FBXO43: variants seen among roughly 807,000 people sequenced by gnomAD.
The protein encoded by FBXO43 is F-box protein 43.
Under a neutral mutation model 56.7 loss-of-function variants are expected in FBXO43, and 22 were observed. That is an observed-to-expected ratio of 0.39 (90% CI 0.28 to 0.55). The LOEUF (loss-of-function observed/expected upper bound fraction) is 0.55, where lower values mean the gene tolerates loss of function less well. FBXO43 is among the 20% of genes least tolerant of loss of function. The pLI is 0.66. For synonymous variants in FBXO43, 306 were observed against 294.5 expected, an observed-to-expected ratio of 1.04 and a Z score of -0.40; for missense variants, 733 against 814.9, an observed-to-expected ratio of 0.90 and a Z score of 1.22.
At chr8:100,134,470 C>A in intron 3 of FBXO43, 106 bp from the exon 4 acceptor site, 1 of 901,468 alleles carries the variant, frequency 1.1e-6, no homozygotes, top group South Asian at 1.8e-5. Flanking sequence ...TTTTGCCATC[C>A]GAATTCTCTC....
chr8:100,148,791 TCTGATGCTTC>T (rs1814873303), upstream of FBXO43, among the ~76,000 whole-genome samples: 2 of 151,640 alleles, frequency 1.3e-5, no homozygotes, highest in Admixed American at 1.3e-4. Context: ...TGCCACAAAA[TCTGATGCTTC>T]TTTTTGGGAC....
chr8:100,137,495 G>A lies in FBXO43; in HGVS notation c.1674+70C>T, dbSNP rs753509957. ...TAAAGATAGCAGGAAAACCAAATTA[G>A]GTTGTCTAGCAACATGAGATTATTA... On this transcript the variant is annotated intron_variant, in intron 3 of 4. Transcript: ENST00000428847. 3.9e-6 allele frequency: 4 copies of A among 1,022,162 alleles called. No individual in the cohort carries two copies. The South Asian group carries it at 6.1e-5, about 16-fold the overall frequency. 63.3% of individuals were successfully genotyped at this position (1,022,162 alleles called of 1,614,324 possible). A position where few individuals can be genotyped will look rare whatever the true frequency, so the allele number is the denominator to read the frequency against.
At chr8:100,135,797 G>C (rs961066534) in intron 3 of FBXO43, among the ~76,000 whole-genome samples, 1 of 151,972 alleles carries the variant, frequency 6.6e-6, no homozygotes, top group Non-Finnish European at 1.5e-5. Context: ...TAGAGACAGG[G>C]GTTCCACCAT....
intron 1 of FBXO43, among the ~76,000 whole-genome samples, chr8:100,144,616 A>G (rs1163922551): frequency 6.9e-6 from 1 of 144,728 alleles, no homozygotes; most frequent in Non-Finnish European, 1.5e-5. Flanking sequence ...TTATTCCTAA[A>G]GTGTTCTTTA....
chr8:100,146,896 G>A (rs1213446108), upstream of FBXO43, among the ~76,000 whole-genome samples: 1 of 152,206 alleles, frequency 6.6e-6, no homozygotes, highest in Non-Finnish European at 1.5e-5. Context: ...CACGCACGCT[G>A]GAGTGCCGTG....
rs1702960595 is a variant in FBXO43 at position 100,141,712 on chromosome 8, C to T, written c.542G>A (p.Ser181Asn). ...ATTTTTTTCTAAGTTGATAACTTGG[C>T]TTATACTACTTTCTAAAGAACTATT... ...SQNSSLESSI[S>N]QVINLEKNIP... The change falls in exon 2 of 5, where the codon AGC becomes AAC. Residue 181 changes from serine (S) to asparagine (N), a missense_variant. By Grantham distance (46) the Ser-to-Asn change is conservative (BLOSUM62 1). Coordinates refer to ENST00000428847, the MANE Select transcript of FBXO43 (RefSeq NM_001029860.4). The T allele has an allele frequency of 1.2e-6, 2 of 1,606,578 alleles. No homozygotes were observed. The highest frequency in any genetic ancestry group is 8.5e-7 in the Non-Finnish European group (1 of 1,175,330).
chr8:100,137,807 A>G, intron 2 of FBXO43, 140 bp from the exon 3 acceptor site: 1 of 631,338 alleles, frequency 1.6e-6, no homozygotes, highest in East Asian at 2.9e-5. Flanking sequence ...TAAAAATGTG[A>G]CTTGGTCAAC....
intron 2 of FBXO43, 152 bp downstream of exon 2, chr8:100,140,531 C>T: frequency 1.6e-6 from 1 of 643,904 alleles, no homozygotes; most frequent in South Asian, 2.2e-5. Flanking sequence ...TACTAGGTAG[C>T]TCTGTTGGGA....
chr8:100,146,904 G>A (rs1229990964), upstream of FBXO43, among the ~76,000 whole-genome samples: 13 of 152,176 alleles, frequency 8.5e-5, no homozygotes, highest in Non-Finnish European at 1.5e-4. Context: ...CTGGAGTGCC[G>A]TGGTGCAATC....
chr8:100,137,365 G>A lies in FBXO43; in HGVS notation c.1674+200C>T, dbSNP rs1814503715. 3 of 453,592 alleles carry A rather than the reference G, an allele frequency of 6.6e-6. No homozygotes were observed. In the Admixed American group the frequency reaches 1.3e-4, roughly 19 times the overall value. The allele number at this position is 453,592 out of a possible 1,614,324, so 28.1% of individuals were successfully genotyped here. A position where few individuals can be genotyped will look rare whatever the true frequency, so the allele number is the denominator to read the frequency against. ...GTGAGCCACCGCGCCTGGCCAACAA[G>A]ATGTTCTTGATGCTATGTTGTTTAT... On this transcript the variant is annotated intron_variant, in intron 3 of 4. Transcript: ENST00000428847.
intron 3 of FBXO43, among the ~76,000 whole-genome samples, chr8:100,134,927 G>C (rs1425839549): frequency 6.6e-6 from 1 of 152,122 alleles, no homozygotes; most frequent in Non-Finnish European, 1.5e-5. Context: ...AGAAGGAACA[G>C]GTAGAATACC....
rs901210819 is a variant in FBXO43, at chr8:100,145,618, G to C, written c.-483C>G. 3 of 152,224 alleles carry C rather than the reference G, an allele frequency of 2.0e-5. No homozygotes were observed. The highest frequency in any genetic ancestry group is 7.3e-5 in the African/African-American group (3 of 41,042). The allele number at this position is 152,224 out of a possible 1,614,324, so 9.4% of individuals were successfully genotyped here. On this transcript the variant is annotated 5_prime_UTR_variant, in exon 1 of 5. Coordinates refer to ENST00000428847, the MANE Select transcript of FBXO43 (RefSeq NM_001029860.4). Reference sequence around the variant, plus strand: ...CCGGGCCGCCGGGAGACCCGCTAACGGGCACTCGCCTGGGGTCCCGCCGCC... The same window carrying C: ...CCGGGCCGCCGGGAGACCCGCTAACCGGCACTCGCCTGGGGTCCCGCCGCC...
At chr8:100,142,189 T>TG in intron 1 of FBXO43, 21 bp from the exon 2 acceptor site, 1 of 1,517,840 alleles carries the variant, frequency 6.6e-7, no homozygotes, top group Non-Finnish European at 8.8e-7. Flanking sequence ...ACAACAAAGT[T>TG]ATTCTGCCTT....
rs1734370394 is a variant in FBXO43, at chr8:100,133,596, T to C, written c.*206A>G. On this transcript the variant is annotated 3_prime_UTR_variant, in exon 5 of 5. Coordinates refer to ENST00000428847, the MANE Select transcript of FBXO43 (RefSeq NM_001029860.4). Reference sequence around the variant, plus strand: ...TTCTTTATTTAAAATACCAAGTTATTAAAATGGGTAAAATGACATAGTAAA... The same window carrying C: ...TTCTTTATTTAAAATACCAAGTTATCAAAATGGGTAAAATGACATAGTAAA... 4.3e-6 allele frequency: 2 copies of C among 461,942 alleles called. No individual in the cohort carries two copies. The highest frequency in any genetic ancestry group is 1.0e-4 in the South Asian group (2 of 19,792). 28.6% of individuals were successfully genotyped at this position (461,942 alleles called of 1,614,324 possible).
At chr8:100,135,810 T>C (rs1221920054) in intron 3 of FBXO43, among the ~76,000 whole-genome samples, 1 of 152,136 alleles carries the variant, frequency 6.6e-6, no homozygotes, top group East Asian at 1.9e-4. Flanking sequence ...TCCACCATGT[T>C]GGTCAGGCTG....
rs1403365826 is a variant in FBXO43, at chr8:100,142,026, A to T, written c.228T>A (p.Ser76Arg). 1 of 1,613,938 alleles carries T rather than the reference A, an allele frequency of 6.2e-7. No homozygotes were observed. Among genetic ancestry groups the T allele is most frequent in the Non-Finnish European group, 8.5e-7 (1 of 1,179,956 alleles). The change falls in exon 2 of 5, where the codon AGT becomes AGA. Residue 76 changes from serine to arginine, a missense_variant. Transcript: ENST00000428847. ...DFCSTSSFQD[S>R]GYNELKSCSF... is the part of the protein sequence containing the mutation. Reference sequence around the variant, plus strand: ...TACAAGATTTTAACTCATTGTAGCCACTATCTTGAAATGAAGATGTGGAAC... The same window carrying T: ...TACAAGATTTTAACTCATTGTAGCCTCTATCTTGAAATGAAGATGTGGAAC...
chr8:100,146,543 A>C (rs2132151479), upstream of FBXO43, among the ~76,000 whole-genome samples: 1 of 152,312 alleles, frequency 6.6e-6, no homozygotes, highest in South Asian at 2.1e-4. Flanking sequence ...TCAAAGCCAA[A>C]TAAATTTTTT....
chr8:100,138,120 G>A (rs558623512), intron 2 of FBXO43, among the ~76,000 whole-genome samples: 2 of 152,236 alleles, frequency 1.3e-5, no homozygotes, highest in South Asian at 4.1e-4. Flanking sequence ...ATTACTAAGT[G>A]CCAACTATAA....
chr8:100,140,226 T>C (rs564039777), intron 2 of FBXO43, among the ~76,000 whole-genome samples: 3 of 152,214 alleles, frequency 2.0e-5, no homozygotes, highest in Admixed American at 2.0e-4. Flanking sequence ...ATCCCAGCAC[T>C]TTGGGAGGCC....
Sources: allele counts gnomAD v4.1 joint callset (sites outside exome capture counted in the v4.1 genomes callset), GRCh38; gene constraint gnomAD v4.1.1; transcripts MANE v1.5; gene names NCBI Gene and HGNC (gene_info 2026-07-23, HGNC 2026-07-21).